Variants in HS6ST3 observed in about 807,000 individuals in gnomAD.
HS6ST3 encodes heparan sulfate 6-O-sulfotransferase 3.
A neutral mutation model predicts 36.7 loss-of-function variants in HS6ST3; 12 were observed. That is an observed-to-expected ratio of 0.33 (90% confidence interval 0.21 to 0.53). The LOEUF is 0.53. HS6ST3 is among the 20% of genes least tolerant of loss of function. The pLI is 0.95. For missense variants in HS6ST3, 584 were observed against 640.9 expected (o/e 0.91, Z 0.96); for synonymous variants, 240 against 257.5 (o/e 0.93, Z 0.65).
chr13:96,210,364 C>T (rs1302844024), intron 1 of HS6ST3, among the ~76,000 whole-genome samples: 1 of 152,202 alleles, frequency 6.6e-6, no homozygotes, highest in East Asian at 1.9e-4. Flanking sequence ...TGGAAACGCA[C>T]TCCCCTCTCG....
intron 1 of HS6ST3, among the ~76,000 whole-genome samples, chr13:96,820,141 A>G (rs1464368955): frequency 6.6e-6 from 1 of 152,132 alleles, no homozygotes; most frequent in African/African-American, 2.4e-5. Context: ...CATCTGTAAA[A>G]GTGGACGAAG....
chr13:96,836,565 A>C lies in HS6ST3; in HGVS notation c.*3367A>C, dbSNP rs2138554140. ...TGTTTCTTCTCATCTAAAGGAGGTA[A>C]CTTTGTGATAATTAGTTTGATTAAA... is the stretch of plus-strand genomic sequence containing the variant. On this transcript the variant is annotated 3_prime_UTR_variant, in exon 2 of 2. Transcript: ENST00000376705. 6.6e-6 allele frequency: 1 copy of C among 152,288 alleles called. No homozygotes were observed. Among genetic ancestry groups the C allele is most frequent in the Admixed American group, 6.5e-5 (1 of 15,298 alleles). The allele number at this position is 152,288 out of a possible 1,614,324, so 9.4% of individuals were successfully genotyped here.
intron 1 of HS6ST3, among the ~76,000 whole-genome samples, chr13:96,784,987 G>A (rs1471417797): frequency 6.6e-6 from 1 of 152,106 alleles, no homozygotes; most frequent in Non-Finnish European, 1.5e-5. Context: ...GGCCAACAGG[G>A]TGAAAACCTG....
At chr13:96,367,225 A>G (rs947952727) in intron 1 of HS6ST3, among the ~76,000 whole-genome samples, 1 of 152,256 alleles carries the variant, frequency 6.6e-6, no homozygotes, top group African/African-American at 2.4e-5. Flanking sequence ...GAAAGCTGAT[A>G]TAAGACACAT....
chr13:96,283,177 C>A (rs1355249239), intron 1 of HS6ST3, among the ~76,000 whole-genome samples: 1 of 152,160 alleles, frequency 6.6e-6, no homozygotes, highest in Admixed American at 6.6e-5. Context: ...AATGTTTGAT[C>A]TATAAGTTCA....
intron 1 of HS6ST3, among the ~76,000 whole-genome samples, chr13:96,369,662 G>T (rs1443971923): frequency 6.6e-6 from 1 of 152,150 alleles, no homozygotes; most frequent in Non-Finnish European, 1.5e-5. Context: ...ACAAGGGTGA[G>T]GATGGTAGAC....
At chr13:96,775,712 A>C (rs977672512) in intron 1 of HS6ST3, among the ~76,000 whole-genome samples, 5 of 152,184 alleles carry the variant, frequency 3.3e-5, no homozygotes, top group Non-Finnish European at 7.3e-5. Flanking sequence ...ACCTACAAAG[A>C]GACTTAGACT....
chr13:96,822,262 C>G (rs892161039), intron 1 of HS6ST3, among the ~76,000 whole-genome samples: 4 of 152,166 alleles, frequency 2.6e-5, no homozygotes, highest in South Asian at 2.1e-4. Context: ...TTGCAGAGAG[C>G]CTTGAGACAT....
intron 1 of HS6ST3, among the ~76,000 whole-genome samples, chr13:96,308,709 C>T (rs1357758848): frequency 6.6e-6 from 1 of 152,088 alleles, no homozygotes; most frequent in Non-Finnish European, 1.5e-5. Flanking sequence ...GCAAGAACCC[C>T]TCTGAACAGC....
At chr13:96,506,005 C>T (rs752456850) in intron 1 of HS6ST3, among the ~76,000 whole-genome samples, 5 of 152,116 alleles carry the variant, frequency 3.3e-5, no homozygotes, top group Non-Finnish European at 5.9e-5. Context: ...ATCGATACTT[C>T]TGTTTCTTTA....
chr13:96,554,980 T>C (rs2138951116), intron 1 of HS6ST3, among the ~76,000 whole-genome samples: 1 of 152,064 alleles, frequency 6.6e-6, no homozygotes, highest in Non-Finnish European at 1.5e-5. Context: ...CTTGGGAGGC[T>C]GAGGTGGGAG....
intron 1 of HS6ST3, among the ~76,000 whole-genome samples, chr13:96,359,966 C>G (rs2055229343): frequency 6.6e-6 from 1 of 152,140 alleles, no homozygotes; most frequent in Admixed American, 6.5e-5. Context: ...CCCTATTCCA[C>G]CACTGAGCAG....
intron 1 of HS6ST3, among the ~76,000 whole-genome samples, chr13:96,509,108 T>A (rs1472296923): frequency 6.6e-6 from 1 of 152,174 alleles, no homozygotes; most frequent in Non-Finnish European, 1.5e-5. Flanking sequence ...TGATCAGTGA[T>A]GTTGAAAGTT....
chr13:96,642,536 A>T (rs112654978), intron 1 of HS6ST3, among the ~76,000 whole-genome samples: 4 of 151,838 alleles, frequency 2.6e-5, no homozygotes, highest in African/African-American at 9.6e-5. Context: ...ACATTGGTTC[A>T]CTTGATGGTG....
intron 1 of HS6ST3, among the ~76,000 whole-genome samples, chr13:96,504,824 A>C (rs998176237): frequency 6.6e-6 from 1 of 152,208 alleles, no homozygotes; most frequent in Non-Finnish European, 1.5e-5. Flanking sequence ...TTATAAAAAT[A>C]TATAAAATGT....
chr13:96,551,967 A>G (rs2056221123), intron 1 of HS6ST3, among the ~76,000 whole-genome samples: 1 of 152,196 alleles, frequency 6.6e-6, no homozygotes, highest in Non-Finnish European at 1.5e-5. Flanking sequence ...GAGAACTGTA[A>G]ACCTGCCAAC....
At chr13:96,651,523 A>G (rs1242710437) in intron 1 of HS6ST3, among the ~76,000 whole-genome samples, 2 of 152,022 alleles carry the variant, frequency 1.3e-5, no homozygotes, top group Non-Finnish European at 2.9e-5. Flanking sequence ...GCCATCCATG[A>G]GCATGCTGTA....
chr13:96,375,256 C>T (rs2055309168), intron 1 of HS6ST3, among the ~76,000 whole-genome samples: 1 of 151,684 alleles, frequency 6.6e-6, no homozygotes. Flanking sequence ...ACCTGTTCCC[C>T]TCCAACTCCT....
intron 1 of HS6ST3, among the ~76,000 whole-genome samples, chr13:96,319,924 C>T (rs1481549128): frequency 6.6e-6 from 1 of 152,102 alleles, no homozygotes; most frequent in Admixed American, 6.5e-5. Flanking sequence ...CCAGAAATTA[C>T]TTTTCTTTGT....
Sources: allele counts gnomAD v4.1 joint callset (sites outside exome capture counted in the v4.1 genomes callset), GRCh38; gene constraint gnomAD v4.1.1; transcripts MANE v1.5; gene names NCBI Gene and HGNC (gene_info 2026-07-23, HGNC 2026-07-21).